The following NDUFV3 variants were observed in gnomAD, a reference collection of about 807,000 sequenced individuals.
The protein encoded by NDUFV3 is NADH:ubiquinone oxidoreductase subunit V3.
Under a neutral mutation model 37.5 loss-of-function variants are expected in NDUFV3, and 44 were observed. The ratio of observed to expected loss-of-function variants is 1.17; its 90% confidence interval spans 0.92 to 1.51. The LOEUF (loss-of-function observed/expected upper bound fraction) is 1.51, where lower values mean the gene tolerates loss of function less well. Among genes scored for constraint, NDUFV3 ranks in the 40% most tolerant of loss-of-function variants. The pLI, the probability that NDUFV3 is intolerant of heterozygous loss-of-function variation, is 0.00. For missense variants in NDUFV3, 580 were observed against 580.4 expected (o/e 1.00, Z 0.01); for synonymous variants, 235 against 239.3 (o/e 0.98, Z 0.17).
At chr21:42,894,922 A>G (rs147771165) in intron 1 of NDUFV3, among the ~76,000 whole-genome samples, 139 of 152,270 alleles carry the variant, frequency 9.1e-4, no homozygotes, top group African/African-American at 3.1e-3. Flanking sequence ...TAGTGAGTAT[A>G]TGCTGAGTGA....
intron 2 of NDUFV3, among the ~76,000 whole-genome samples, chr21:42,900,973 AAC>A (rs2058715739): frequency 6.6e-6 from 1 of 152,180 alleles, no homozygotes; most frequent in African/African-American, 2.4e-5. Context: ...CTAATTTTGC[AAC>A]AGTCAGTAAT....
chr21:42,893,364 C>G lies in NDUFV3; in HGVS notation c.31C>G (p.Arg11Gly), dbSNP rs565393385. MAAPCLLRQGRAGALKTMLQE... is the reference protein window; with the variant it reads MAAPCLLRQGGAGALKTMLQE... ...TGCCCCGTGTTTGCTGCGGCAAGGACGAGCCGGGGCGCTGAAGGTAAAGGA... is the reference window on the plus strand; with the variant it reads ...TGCCCCGTGTTTGCTGCGGCAAGGAGGAGCCGGGGCGCTGAAGGTAAAGGA... Residue 11 changes from arginine to glycine, a missense_variant, in exon 1 of 4, where the codon CGA becomes GGA. Arg to Gly is a moderately radical substitution (Grantham distance 125). Transcript: ENST00000354250. The G allele has an allele frequency of 1.8e-5, 27 of 1,537,938 alleles. No individual in the cohort carries two copies. The African/African-American group carries it at 3.1e-4, about 18-fold the overall frequency.
intron 1 of NDUFV3, among the ~76,000 whole-genome samples, chr21:42,896,059 C>T (rs2058689443): frequency 6.7e-6 from 1 of 149,238 alleles, no homozygotes; most frequent in Non-Finnish European, 1.5e-5. Flanking sequence ...TCTCAGCTCA[C>T]TGCAACCTCC....
Position 42,893,337 on chromosome 21 carries a change from G to A in NDUFV3, c.4G>A (p.Ala2Thr), listed in dbSNP as rs1252559680. The A allele has an allele frequency of 2.6e-6, 4 of 1,538,320 alleles. No homozygotes were observed. The highest frequency in any genetic ancestry group is 3.5e-6 in the Non-Finnish European group (4 of 1,146,380). Residue 2 changes from alanine to threonine, a missense_variant, in exon 1 of 4, where the codon GCT becomes ACT. Transcript: ENST00000354250. ...TGGTGCGCCCGCTGTCACCGCCATG[G>A]CTGCCCCGTGTTTGCTGCGGCAAGG... M[A>T]APCLLRQGRA...
intron 1 of NDUFV3, among the ~76,000 whole-genome samples, chr21:42,895,094 A>T (rs1568854805): frequency 6.6e-6 from 1 of 152,192 alleles, no homozygotes; most frequent in East Asian, 1.9e-4. Context: ...CAGGTGGCTC[A>T]TGCCTGTAAT....
At chr21:42,905,078 C>T (rs1238805566) in intron 3 of NDUFV3, among the ~76,000 whole-genome samples, 8 of 152,278 alleles carry the variant, frequency 5.3e-5, no homozygotes, top group African/African-American at 7.2e-5. Context: ...CCTGAGCCAC[C>T]GTGCCCGGCC....
At position 42,903,292 on chromosome 21, in the gene NDUFV3, A is replaced by G. The variant is rs926462950; in HGVS notation, c.280A>G (p.Arg94Gly). The change falls in exon 3 of 4, where the codon AGG becomes GGG. Residue 94 changes from arginine (R) to glycine (G), a missense_variant. Arg to Gly is a moderately radical substitution (Grantham distance 125). Coordinates refer to ENST00000354250, the MANE Select transcript of NDUFV3 (RefSeq NM_021075.4). ...SSYPPAVNKG[R>G]KVASPSPSGS... The stretch of plus-strand genomic sequence containing the variant: ...TTACCCGCCAGCTGTGAATAAGGGC[A>G]GGAAGGTAGCTAGTCCCAGTCCCAG... 4.3e-6 allele frequency: 7 copies of G among 1,614,200 alleles called. No homozygotes were observed. In the Admixed American group the frequency reaches 6.7e-5, roughly 15 times the overall value.
chr21:42,897,769 T>C (rs866111219), intron 2 of NDUFV3, among the ~76,000 whole-genome samples: 3 of 152,096 alleles, frequency 2.0e-5, no homozygotes, highest in East Asian at 1.9e-4. Context: ...CTCCGCCTCC[T>C]GGGTTCACAC....
rs1171104075 is a variant in NDUFV3, at chr21:42,903,521, T to C, written c.509T>C (p.Val170Ala). 6.2e-7 allele frequency: 1 copy of C among 1,614,108 alleles called. No homozygotes were observed. Among genetic ancestry groups the C allele is most frequent in the South Asian group, 1.1e-5 (1 of 91,076 alleles). ...SDSESDDEADVSEVTPRVVSK... is the reference protein window; with the variant it reads ...SDSESDDEADASEVTPRVVSK... Reference sequence around the variant, plus strand: ...TCTGAATCTGATGATGAGGCTGACGTTTCAGAGGTCACTCCTCGAGTGGTG... The same window carrying C: ...TCTGAATCTGATGATGAGGCTGACGCTTCAGAGGTCACTCCTCGAGTGGTG... The change falls in exon 3 of 4, where the codon GTT (valine) becomes GCT (alanine). Residue 170 changes from valine to alanine, a missense_variant. Coordinates refer to ENST00000354250, the MANE Select transcript of NDUFV3 (RefSeq NM_021075.4).
chr21:42,905,890 A>C (rs1446546480), intron 3 of NDUFV3, among the ~76,000 whole-genome samples: 2 of 136,260 alleles, frequency 1.5e-5, no homozygotes, highest in South Asian at 2.3e-4. Flanking sequence ...TGGAGATGGA[A>C]TCTCACTCTG....
At chr21:42,902,404 G>A (rs1028590429) in intron 2 of NDUFV3, among the ~76,000 whole-genome samples, 1 of 152,144 alleles carries the variant, frequency 6.6e-6, no homozygotes, top group African/African-American at 2.4e-5. Flanking sequence ...TTGACAAGAT[G>A]TGCAAGTATT....
In NDUFV3 at chr21:42,894,357, ATATT is replaced by A. The variant is rs1178274367; in HGVS notation, c.48+977_48+980del. Among the ~76,000 whole-genome samples the A allele has an allele frequency of 5.3e-5, 2 of 37,498 alleles. 1 individual carries two copies. The highest frequency in any genetic ancestry group is 7.5e-4 in the East Asian group (2 of 2,662). The allele number at this position is 37,498 out of a possible 152,430, so 24.6% of individuals were successfully genotyped here. Reference sequence around the variant, plus strand: ...TATTATATATATTATATATAAATATATATTATATATATATTTATATAATATGTAA... The same window carrying A: ...TATTATATATATTATATATAAATATAATATATATATTTATATAATATGTAA... On this transcript the variant is annotated intron_variant, in intron 1 of 3. Coordinates refer to ENST00000354250, the MANE Select transcript of NDUFV3 (RefSeq NM_021075.4).
In NDUFV3 at chr21:42,894,351, A is replaced by AATATATATTATATAT. The variant is rs1555848047; in HGVS notation, c.48+971_48+972insTATATATTATATATA. Among the ~76,000 whole-genome samples the AATATATATTATATAT allele has an allele frequency of 5.3e-5, 2 of 37,458 alleles. 1 individual carries two copies. Among genetic ancestry groups the AATATATATTATATAT allele is most frequent in the Non-Finnish European group, 8.4e-5 (2 of 23,838 alleles). The allele number at this position is 37,458 out of a possible 152,430, so 24.6% of individuals were successfully genotyped here. On this transcript the variant is annotated intron_variant, in intron 1 of 3. Coordinates refer to ENST00000354250, the MANE Select transcript of NDUFV3 (RefSeq NM_021075.4). The stretch of plus-strand genomic sequence containing the variant: ...AATACATATTATATATATTATATAT[A>AATATATATTATATAT]AATATATATTATATATATATTTATA...
chr21:42,907,081 A>T (rs1047161155), intron 3 of NDUFV3, among the ~76,000 whole-genome samples: 2 of 152,188 alleles, frequency 1.3e-5, no homozygotes, highest in Admixed American at 6.5e-5. Context: ...CTTAACCCAA[A>T]TATCAGCCTG....
chr21:42,905,687 T>G (rs2058738094), intron 3 of NDUFV3, among the ~76,000 whole-genome samples: 1 of 152,004 alleles, frequency 6.6e-6, no homozygotes, highest in Non-Finnish European at 1.5e-5. Context: ...GGCTAATTTT[T>G]GTATTTTTAG....
Position 42,893,375 on chromosome 21 carries a change from G to C in NDUFV3, c.42G>C (p.Ala14=). Residue 14 remains alanine, a synonymous_variant, in exon 1 of 4, where the codon GCG becomes GCC. Transcript: ENST00000354250. ...TGCTGCGGCAAGGACGAGCCGGGGC[G>C]CTGAAGGTAAAGGAGGAGCCAGCCT... ...PCLLRQGRAG[A]LKTMLQEAQV... The C allele has an allele frequency of 6.5e-7, 1 of 1,537,730 alleles. No individual in the cohort carries two copies. The highest frequency in any genetic ancestry group is 1.2e-5 in the South Asian group (1 of 83,972).
At position 42,903,420 on chromosome 21, in the gene NDUFV3, C is replaced by T; in HGVS notation, c.408C>T (p.Gly136=). ...TTCTGTCTCCATTCAGAAAACAGGG[C>T]TCTGATTCAGAAGCTCGTCAGGTGG... is the stretch of plus-strand genomic sequence containing the variant. ...QKVLSPFRKQ[G]SDSEARQVGR... is the part of the protein sequence containing the mutation. The change falls in exon 3 of 4, where the codon GGC becomes GGT. Residue 136 remains glycine (G), a synonymous_variant. Coordinates refer to ENST00000354250, the MANE Select transcript of NDUFV3 (RefSeq NM_021075.4). The T allele has an allele frequency of 6.2e-7, 1 of 1,614,216 alleles. No homozygotes were observed. Among genetic ancestry groups the T allele is most frequent in the African/African-American group, 1.3e-5 (1 of 75,056 alleles).
intron 1 of NDUFV3, among the ~76,000 whole-genome samples, chr21:42,894,307 G>C (rs1301978626): frequency 1.2e-5 from 1 of 81,264 alleles, no homozygotes; most frequent in Non-Finnish European, 2.3e-5. Flanking sequence ...ATATATGCGT[G>C]TGTGTATATA....
intron 3 of NDUFV3, among the ~76,000 whole-genome samples, chr21:42,905,675 C>T (rs1470486699): frequency 1.3e-5 from 2 of 151,948 alleles, no homozygotes; most frequent in African/African-American, 2.4e-5. Context: ...GGCACCACCC[C>T]CGGCTAATTT....
Sources: allele counts gnomAD v4.1 joint callset (sites outside exome capture counted in the v4.1 genomes callset), GRCh38; gene constraint gnomAD v4.1.1; transcripts MANE v1.5; gene names NCBI Gene and HGNC (gene_info 2026-07-23, HGNC 2026-07-21).